TBC1D22A: variants seen among roughly 807,000 people sequenced by gnomAD.
The protein encoded by TBC1D22A is putative GTPase activator.
TBC1D22A carries 38 observed loss-of-function variants against 60.2 expected under a neutral mutation model. The observed-to-expected ratio is 0.63, with a 90% CI of 0.49 to 0.83. The LOEUF (loss-of-function observed/expected upper bound fraction) is 0.83. Ranked by LOEUF, TBC1D22A falls within the 40% of genes least tolerant of loss-of-function variation. The pLI is 0.00. For synonymous variants in TBC1D22A, 302 were observed against 281.7 expected (o/e 1.07, Z -0.72); for missense variants, 628 against 701.0 (o/e 0.90, Z 1.18).
rs772681513 is a variant in TBC1D22A, at chr22:46,878,693, A to C, written c.678A>C (p.Pro226=). The C allele has an allele frequency of 3.1e-6, 5 of 1,613,078 alleles. No homozygotes were observed. In the African/African-American group the frequency reaches 6.7e-5, roughly 22 times the overall value. The change falls in exon 5 of 13, where the codon CCA becomes CCC. Residue 226 remains proline (P), a synonymous_variant. Transcript: ENST00000337137. ...TGAGCTGGTCCGGAATCCCTAAGCC[A>C]GTGCGTCCAATGACGTGGAAGCTCC... ...RRLSWSGIPK[P]VRPMTWKLLS... is the part of the protein sequence containing the mutation.
intron 11 of TBC1D22A, among the ~76,000 whole-genome samples, chr22:47,065,645 G>C: frequency 6.6e-6 from 1 of 152,282 alleles, no homozygotes; most frequent in African/African-American, 2.4e-5. Flanking sequence ...AGTTGGGACT[G>C]GGTTGGATTG....
chr22:47,135,017 G>C lies in TBC1D22A; in HGVS notation c.1425+23414G>C, dbSNP rs199523327. ...TACCCGCTCCCTCAGGCCTCAGCCAGCCTCATCGGGACCCCTCTTGCACCT... is the reference window on the plus strand; with the variant it reads ...TACCCGCTCCCTCAGGCCTCAGCCACCCTCATCGGGACCCCTCTTGCACCT... On this transcript the variant is annotated intron_variant, in intron 12 of 12. Coordinates refer to ENST00000337137, the MANE Select transcript of TBC1D22A (RefSeq NM_014346.5). Among the ~76,000 whole-genome samples, 65 of 152,348 alleles carry C rather than the reference G, an allele frequency of 4.3e-4. 1 individual carries two copies. The East Asian group carries it at 0.011, about 27-fold the overall frequency.
intron 10 of TBC1D22A, among the ~76,000 whole-genome samples, chr22:47,026,206 C>G (rs946822569): frequency 1.3e-5 from 2 of 152,124 alleles, no homozygotes; most frequent in East Asian, 3.8e-4. Context: ...TCTCAGTAAA[C>G]AAGAACAGAA....
chr22:46,997,394 T>C (rs942258535), intron 9 of TBC1D22A, among the ~76,000 whole-genome samples: 7 of 152,248 alleles, frequency 4.6e-5, no homozygotes, highest in African/African-American at 1.7e-4. Flanking sequence ...CAGTGTTCCC[T>C]GAGATGCACG....
At chr22:46,997,490 C>A in intron 9 of TBC1D22A, 144 bp from the exon 10 acceptor site, 1 of 655,694 alleles carries the variant, frequency 1.5e-6, no homozygotes, top group African/African-American at 1.8e-5. Context: ...GGTGCATCCA[C>A]TTGTGTGTTT....
At chr22:46,913,605 G>T in intron 8 of TBC1D22A, 2 of 985,054 alleles carry the variant, frequency 2.0e-6, no homozygotes, top group Non-Finnish European at 2.4e-6. Flanking sequence ...TTGCTTTTCT[G>T]CCTCTTACCC....
chr22:46,804,440 A>C (rs1227926315), intron 4 of TBC1D22A, among the ~76,000 whole-genome samples: 1 of 152,134 alleles, frequency 6.6e-6, no homozygotes, highest in Non-Finnish European at 1.5e-5. Flanking sequence ...TTCCCTCTTA[A>C]TCAGTTCTTA....
In TBC1D22A at chr22:46,785,386, C is replaced by T. The variant is rs801612; in HGVS notation, c.63-7134C>T. Among the ~76,000 whole-genome samples, 1,163 of 152,288 alleles carry T rather than the reference C, an allele frequency of 7.6e-3. 17 individuals are homozygous for T. The highest frequency in any genetic ancestry group is 0.027 in the African/African-American group (1,125 of 41,544). ...TTCCAAGAGCGGGAACCCAAGAGGA[C>T]CAGGTAAAAGCTGTATTGACTTTAA... On this transcript the variant is annotated intron_variant, in intron 1 of 12. Coordinates refer to ENST00000337137, the MANE Select transcript of TBC1D22A (RefSeq NM_014346.5).
intron 2 of TBC1D22A, 121 bp from the exon 3 acceptor site, chr22:46,793,380 A>G (rs906139974): frequency 3.2e-6 from 3 of 943,708 alleles, no homozygotes; most frequent in East Asian, 5.2e-5. Flanking sequence ...TTTTTCACTC[A>G]CTATTGCTAG....
At chr22:46,957,989 A>G (rs557902835) in intron 8 of TBC1D22A, among the ~76,000 whole-genome samples, 1 of 150,932 alleles carries the variant, frequency 6.6e-6, no homozygotes, top group Non-Finnish European at 1.5e-5. Context: ...ACCCCCACAG[A>G]GCACCCTGCA....
At chr22:46,958,055 G>A (rs925055248) in intron 8 of TBC1D22A, among the ~76,000 whole-genome samples, 11 of 152,094 alleles carry the variant, frequency 7.2e-5, no homozygotes, top group Admixed American at 4.6e-4. Flanking sequence ...GGGGCTCCTG[G>A]AGGAGGGTGC....
At chr22:47,162,538 A>G (rs34960717) in intron 12 of TBC1D22A, among the ~76,000 whole-genome samples, 59,796 of 151,858 alleles carry the variant, frequency 0.39, 13,296 homozygotes, top group East Asian at 0.68. Flanking sequence ...GCTGTGAACA[A>G]CAGTGCACAG....
chr22:46,994,732 T>C (rs2075060965), intron 9 of TBC1D22A, among the ~76,000 whole-genome samples: 1 of 152,224 alleles, frequency 6.6e-6, no homozygotes, highest in African/African-American at 2.4e-5. Context: ...TGCAGCTATA[T>C]TGTTCAACCG....
chr22:47,170,320 C>T (rs1443149561), intron 12 of TBC1D22A, among the ~76,000 whole-genome samples: 1 of 152,062 alleles, frequency 6.6e-6, no homozygotes, highest in Non-Finnish European at 1.5e-5. Flanking sequence ...TCTCACCTTG[C>T]AAGGAGCGAG....
intron 9 of TBC1D22A, among the ~76,000 whole-genome samples, chr22:46,979,850 AC>A (rs2074444287): frequency 6.6e-6 from 1 of 151,894 alleles, no homozygotes; most frequent in African/African-American, 2.4e-5. Context: ...AATATAACAG[AC>A]CCCTTGAAAG....
At chr22:46,795,672 T>C (rs1365661511) in intron 3 of TBC1D22A, among the ~76,000 whole-genome samples, 2 of 152,204 alleles carry the variant, frequency 1.3e-5, no homozygotes, top group Non-Finnish European at 2.9e-5. Flanking sequence ...CATATATTGA[T>C]CATTTACTGT....
intron 4 of TBC1D22A, among the ~76,000 whole-genome samples, chr22:46,811,562 C>CAACAGT (rs2085377094): frequency 6.6e-6 from 1 of 152,306 alleles, no homozygotes; most frequent in East Asian, 1.9e-4. Flanking sequence ...GCAGCAGCAG[C>CAACAGT]AACAGTCACA....
chr22:47,160,643 A>G (rs1437111961), intron 12 of TBC1D22A, among the ~76,000 whole-genome samples: 3 of 152,338 alleles, frequency 2.0e-5, no homozygotes, highest in Non-Finnish European at 4.4e-5. Flanking sequence ...GAGCCGTGCC[A>G]TGACTCACTA....
At position 46,891,409 on chromosome 22, in the gene TBC1D22A, T is replaced by G; in HGVS notation, c.837+15T>G. The stretch of plus-strand genomic sequence containing the variant: ...CATACAGGCAGGTGGGAATCCTTTC[T>G]TTTTTTCGTATGTTGCCTGATGTAC... On this transcript the variant is annotated intron_variant, in intron 6 of 12. Coordinates refer to ENST00000337137, the MANE Select transcript of TBC1D22A (RefSeq NM_014346.5). The G allele has an allele frequency of 6.3e-7, 1 of 1,590,142 alleles. No homozygotes were observed. Among genetic ancestry groups the G allele is most frequent in the South Asian group, 1.2e-5 (1 of 86,310 alleles).
Sources: gnomAD v4.1 joint callset for allele counts (sites outside exome capture counted in the v4.1 genomes callset) on GRCh38, gnomAD v4.1.1 for gene constraint, MANE v1.5 for transcripts, NCBI Gene and HGNC (gene_info 2026-07-23, HGNC 2026-07-21) for gene names.